The following ELAPOR2 variants were observed in gnomAD, a reference collection of about 807,000 sequenced individuals.
The protein encoded by ELAPOR2 is endosome/lysosome-associated apoptosis and autophagy regulator family member 2.
ELAPOR2 carries 89 observed loss-of-function variants against 120.7 expected under a neutral mutation model. The observed-to-expected ratio is 0.74, with a 90% CI of 0.62 to 0.88. The LOEUF is 0.88. Ranked by LOEUF, ELAPOR2 falls within the 40% of genes least tolerant of loss-of-function variation. The pLI, the probability that ELAPOR2 is intolerant of heterozygous loss-of-function variation, is 0.00. For synonymous variants in ELAPOR2, 444 were observed against 444.9 expected (o/e 1.00, Z 0.03); for missense variants, 1,134 against 1,251.6 (o/e 0.91, Z 1.42).
chr7:87,048,491 G>A (rs1795015401), intron 1 of ELAPOR2, among the ~76,000 whole-genome samples: 1 of 152,154 alleles, frequency 6.6e-6, no homozygotes, highest in Non-Finnish European at 1.5e-5. Flanking sequence ...AAGGTAGTGT[G>A]GGGGTTGGAG....
At chr7:86,976,993 G>A (rs747479334) in intron 1 of ELAPOR2, among the ~76,000 whole-genome samples, 59 of 152,238 alleles carry the variant, frequency 3.9e-4, no homozygotes, top group Non-Finnish European at 6.9e-4. Flanking sequence ...TGTGTGAGTC[G>A]GGTTGCTGTC....
intron 7 of ELAPOR2, among the ~76,000 whole-genome samples, chr7:86,938,436 T>G (rs1790657320): frequency 6.6e-6 from 1 of 152,102 alleles, no homozygotes; most frequent in Non-Finnish European, 1.5e-5. Flanking sequence ...TATCACAGTT[T>G]TTCCCAGAAG....
chr7:87,050,179 G>T (rs1213169621), intron 1 of ELAPOR2, among the ~76,000 whole-genome samples: 1 of 152,266 alleles, frequency 6.6e-6, no homozygotes, highest in African/African-American at 2.4e-5. Flanking sequence ...AGAGTAATAA[G>T]AGGTGACATT....
At chr7:87,041,468 TAAAG>T (rs1794784028) in intron 1 of ELAPOR2, among the ~76,000 whole-genome samples, 1 of 151,940 alleles carries the variant, frequency 6.6e-6, no homozygotes, top group South Asian at 2.1e-4. Context: ...TCAACATTCT[TAAAG>T]AAAAGAATTT....
Position 86,926,920 on chromosome 7 carries a change from CAAAAAAA to C in ELAPOR2, c.1090-11_1090-5del. ...TCCACTTGTACATTATCTGTGTCTACAAAAAAAAAAAAAAAAAAAAAGCAACCAAGTC... is the reference window on the plus strand; with the variant it reads ...TCCACTTGTACATTATCTGTGTCTACAAAAAAAAAAAAAAGCAACCAAGTC... On this transcript the variant is annotated splice_polypyrimidine_tract_variant and splice_region_variant and intron_variant, in intron 8 of 21. Coordinates refer to ENST00000450689, the MANE Select transcript of ELAPOR2 (RefSeq NM_001142749.3). The C allele has an allele frequency of 1.3e-4, 115 of 886,472 alleles. No homozygotes were observed. Among genetic ancestry groups the C allele is most frequent in the Middle Eastern group, 4.5e-4 (1 of 2,218 alleles). The allele number at this position is 886,472 out of a possible 1,614,324, so 54.9% of individuals were successfully genotyped here.
At chr7:87,043,291 A>G (rs1295937991) in intron 1 of ELAPOR2, among the ~76,000 whole-genome samples, 1 of 151,542 alleles carries the variant, frequency 6.6e-6, no homozygotes, top group South Asian at 2.1e-4. Flanking sequence ...TACCAAAGTC[A>G]GGCAGAGACA....
chr7:86,898,303 A>G (rs1419910694), intron 18 of ELAPOR2, among the ~76,000 whole-genome samples: 1 of 152,138 alleles, frequency 6.6e-6, no homozygotes, highest in Non-Finnish European at 1.5e-5. Flanking sequence ...AGAAATCTAT[A>G]GAGACTGAAA....
intron 1 of ELAPOR2, among the ~76,000 whole-genome samples, chr7:86,986,883 T>C (rs1032272315): frequency 5.3e-5 from 8 of 150,090 alleles, no homozygotes; most frequent in Admixed American, 3.3e-4. Flanking sequence ...AGAGCCCACA[T>C]TGCAGTCAAT....
chr7:87,045,406 C>T (rs1181714021), intron 1 of ELAPOR2, among the ~76,000 whole-genome samples: 1 of 150,818 alleles, frequency 6.6e-6, no homozygotes, highest in Non-Finnish European at 1.5e-5. Context: ...GGCACATATA[C>T]ACCATGGAAT....
At chr7:86,933,159 G>A (rs961588202) in intron 8 of ELAPOR2, among the ~76,000 whole-genome samples, 1 of 148,180 alleles carries the variant, frequency 6.7e-6, no homozygotes, top group Non-Finnish European at 1.5e-5. Flanking sequence ...TATACTCCAA[G>A]TTGATATTGA....
rs144515660 is a variant in ELAPOR2, at chr7:87,047,703, G to A, written c.189+11622C>T. ...CTGGTGAGAATGTAGAGAAAAGGGA[G>A]TACTTCTACACTGTTGATGGGAATG... is the stretch of plus-strand genomic sequence containing the variant. On this transcript the variant is annotated intron_variant, in intron 1 of 21. Transcript: ENST00000450689. Among the ~76,000 whole-genome samples, 441 of 152,246 alleles carry A rather than the reference G, an allele frequency of 2.9e-3. 1 individual carries two copies. Among genetic ancestry groups the A allele is most frequent in the African/African-American group, 0.01 (424 of 41,544 alleles).
rs768627481 is a variant in ELAPOR2, at chr7:86,892,988, C to T, written c.2798G>A (p.Gly933Asp). The T allele has an allele frequency of 6.3e-7, 1 of 1,575,478 alleles. No homozygotes were observed. The highest frequency in any genetic ancestry group is 1.2e-5 in the South Asian group (1 of 83,676). Reference sequence around the variant, plus strand: ...CAAAACGGCAGTAAAAGCTCCCACACCGGCTCCCACCTTCAGCCAAAAGTC... The same window carrying T: ...CAAAACGGCAGTAAAAGCTCCCACATCGGCTCCCACCTTCAGCCAAAAGTC... ...TVDFWLKVGA[G>D]VGAFTAVLLV... Residue 933 changes from glycine (G) to aspartate (D), a missense_variant, in exon 20 of 22, where the codon GGT becomes GAT. Physicochemically the swap from Gly to Asp is moderately conservative, Grantham distance 94. This residue lies in a region of ELAPOR2 where 831 missense variants were observed against 867.6 expected (regional missense o/e 0.96). Coordinates refer to ENST00000450689, the MANE Select transcript of ELAPOR2 (RefSeq NM_001142749.3).
intron 1 of ELAPOR2, among the ~76,000 whole-genome samples, chr7:87,052,359 G>A (rs1795133593): frequency 6.6e-6 from 1 of 152,208 alleles, no homozygotes; most frequent in Non-Finnish European, 1.5e-5. Context: ...TGGATCTCAA[G>A]AAACTTATTC....
chr7:86,953,330 GAC>G (rs750689194), intron 2 of ELAPOR2, among the ~76,000 whole-genome samples: 45 of 152,268 alleles, frequency 3.0e-4, no homozygotes, highest in Non-Finnish European at 5.6e-4. Flanking sequence ...CAGGCTTAGA[GAC>G]ACCTGTCAAA....
intron 1 of ELAPOR2, among the ~76,000 whole-genome samples, chr7:86,996,490 G>A (rs1251549189): frequency 2.6e-5 from 4 of 152,192 alleles, no homozygotes; most frequent in African/African-American, 9.7e-5. Context: ...AACAAGAAGA[G>A]TATCATGAAA....
intron 1 of ELAPOR2, among the ~76,000 whole-genome samples, chr7:87,049,417 A>G (rs1016027816): frequency 3.3e-5 from 5 of 151,964 alleles, no homozygotes; most frequent in African/African-American, 9.7e-5. Context: ...GAGCAGCTGG[A>G]ACCACAGGCT....
intron 1 of ELAPOR2, among the ~76,000 whole-genome samples, chr7:86,992,739 T>C (rs1635039): frequency 0.38 from 57,484 of 152,000 alleles, 11,719 homozygotes; most frequent in African/African-American, 0.53. Flanking sequence ...GGTGAATTTA[T>C]TTCTATTCAT....
chr7:87,022,934 CTTGTAAAT>C (rs1017868066), intron 1 of ELAPOR2, among the ~76,000 whole-genome samples: 7 of 151,830 alleles, frequency 4.6e-5, no homozygotes, highest in Admixed American at 4.6e-4. Flanking sequence ...TTGTTTTTTT[CTTGTAAAT>C]TTGTTGGAGT....
chr7:86,928,921 G>C (rs1472619958), intron 8 of ELAPOR2, among the ~76,000 whole-genome samples: 1 of 151,828 alleles, frequency 6.6e-6, no homozygotes, highest in African/African-American at 2.4e-5. Context: ...TTCAAGTCTG[G>C]CTGACTAGGT....
Sources: gnomAD v4.1 joint callset for allele counts (sites outside exome capture counted in the v4.1 genomes callset) on GRCh38, gnomAD v4.1.1 for gene constraint, gnomAD v4.1.1 regional missense constraint, MANE v1.5 for transcripts, NCBI Gene and HGNC (gene_info 2026-07-23, HGNC 2026-07-21) for gene names.